YTHDF3: variants seen among roughly 807,000 people sequenced by gnomAD.
YTHDF3 encodes the protein YTH N6-methyladenosine RNA binding protein F3, also known as YTH domain-containing family protein 3.
A neutral mutation model predicts 52.5 loss-of-function variants in YTHDF3; 9 were observed. The ratio of observed to expected loss-of-function variants is 0.17; its 90% CI spans 0.10 to 0.30. The LOEUF is 0.30. Among genes scored for constraint, YTHDF3 ranks in the 10% least tolerant of loss-of-function variants. The pLI is 1.00. For synonymous variants in YTHDF3, 274 were observed against 243.3 expected, an observed-to-expected ratio of 1.13 and a Z score of -1.18; for missense variants, 534 against 715.0, an observed-to-expected ratio of 0.75 and a Z score of 2.89.
Position 63,187,703 on chromosome 8 carries a change from A to C in YTHDF3, c.1692A>C (p.Ala564=), listed in dbSNP as rs1363991298. 2.5e-6 allele frequency: 4 copies of C among 1,611,316 alleles called. No homozygotes were observed. The highest frequency in any genetic ancestry group is 3.4e-5 in the Admixed American group (2 of 59,592). The part of the protein sequence containing the change: ...KHTTSIFDDF[A]HYEKRQEEEE... ...CCACCTCAATCTTTGATGACTTTGC[A>C]CATTATGAAAAGCGTCAAGAAGAGG... Residue 564 remains alanine, a synonymous_variant, in exon 4 of 5, where the codon GCA becomes GCC. Transcript: ENST00000539294.
chr8:63,209,597 TTA>T, intron 4 of YTHDF3, 84 bp from the exon 5 acceptor site: 1 of 1,280,636 alleles, frequency 7.8e-7, no homozygotes, highest in South Asian at 1.4e-5. Context: ...ATGATTTACA[TTA>T]TATGTGCATA....
intron 2 of YTHDF3, among the ~76,000 whole-genome samples, chr8:63,171,398 C>T (rs1807316943): frequency 6.6e-6 from 1 of 152,166 alleles, no homozygotes. Flanking sequence ...TCACTTTCCT[C>T]ACTTAATCTA....
intron 3 of YTHDF3, among the ~76,000 whole-genome samples, chr8:63,180,541 G>A (rs1808054460): frequency 1.3e-5 from 2 of 152,166 alleles, no homozygotes; most frequent in Non-Finnish European, 2.9e-5. Context: ...GGGCGGCCGG[G>A]CAGAGACGCT....
chr8:63,193,616 GAA>G (rs1809055764), intron 4 of YTHDF3, among the ~76,000 whole-genome samples: 1 of 151,788 alleles, frequency 6.6e-6, no homozygotes, highest in Admixed American at 6.6e-5. Flanking sequence ...ATTTTTAAAA[GAA>G]TATATATAGA....
rs1263708575 is a variant in YTHDF3 at position 63,169,086 on chromosome 8, CGGGCGCGGTGCCGCGGCGGGT to C, written c.24+189_24+209del. On this transcript the variant is annotated intron_variant, in intron 1 of 4. Transcript: ENST00000539294. Reference sequence around the variant, plus strand: ...CCTGGCCCCGTAGCTTGCGGGCGGGCGGGCGCGGTGCCGCGGCGGGTGGGGGCAAGGACCGGTCTTAGGGGC... The same window carrying C: ...CCTGGCCCCGTAGCTTGCGGGCGGGCGGGGGCAAGGACCGGTCTTAGGGGC... The C allele has an allele frequency of 8.3e-5, 115 of 1,377,668 alleles. No homozygotes were observed. In the African/African-American group the frequency reaches 1.3e-3, roughly 16 times the overall value. 85.3% of individuals were successfully genotyped at this position (1,377,668 alleles called of 1,614,324 possible). A position where few individuals can be genotyped will look rare whatever the true frequency, so the allele number is the denominator to read the frequency against.
chr8:63,197,853 T>A (rs913834606), intron 4 of YTHDF3, among the ~76,000 whole-genome samples: 1 of 152,208 alleles, frequency 6.6e-6, no homozygotes, highest in Non-Finnish European at 1.5e-5. Context: ...AGAATCTACT[T>A]TTGACTATTG....
intron 3 of YTHDF3, among the ~76,000 whole-genome samples, chr8:63,178,376 A>T (rs1807842300): frequency 7.0e-6 from 1 of 143,324 alleles, no homozygotes; most frequent in South Asian, 2.1e-4. Flanking sequence ...CTTTACTTGT[A>T]AAAAAAAAAA....
chr8:63,194,096 T>C (rs1809086268), intron 4 of YTHDF3, among the ~76,000 whole-genome samples: 1 of 152,086 alleles, frequency 6.6e-6, no homozygotes, highest in Admixed American at 6.6e-5. Context: ...GCCAAATATA[T>C]TGGTGCCTGA....
intron 3 of YTHDF3, 24 bp from the exon 4 acceptor site, chr8:63,186,123 T>G (rs540311577): frequency 6.3e-7 from 1 of 1,577,782 alleles, no homozygotes; most frequent in East Asian, 2.3e-5. Context: ...ATTTCGCTAC[T>G]GATTGTGATA....
At chr8:63,172,476 G>A (rs188800766) in intron 2 of YTHDF3, among the ~76,000 whole-genome samples, 6 of 152,054 alleles carry the variant, frequency 3.9e-5, no homozygotes, top group African/African-American at 1.4e-4. Context: ...TTTAATTTTC[G>A]AAAAGTAGTG....
chr8:63,194,206 G>A (rs1585771963), intron 4 of YTHDF3, among the ~76,000 whole-genome samples: 1 of 152,154 alleles, frequency 6.6e-6, no homozygotes, highest in Non-Finnish European at 1.5e-5. Context: ...GGGAGAGGCC[G>A]GGCATGGTGG....
At chr8:63,196,932 C>G (rs1247583846) in intron 4 of YTHDF3, among the ~76,000 whole-genome samples, 1 of 152,094 alleles carries the variant, frequency 6.6e-6, no homozygotes, top group African/African-American at 2.4e-5. Context: ...TATACTAGAA[C>G]AAATATCTCT....
intron 4 of YTHDF3, among the ~76,000 whole-genome samples, chr8:63,188,158 G>C (rs1191910483): frequency 1.3e-5 from 2 of 151,858 alleles, no homozygotes; most frequent in Non-Finnish European, 2.9e-5. Context: ...ACATCTTGCT[G>C]TGTTGCCCAG....
At chr8:63,207,829 G>T (rs1810132066) in intron 4 of YTHDF3, among the ~76,000 whole-genome samples, 1 of 152,092 alleles carries the variant, frequency 6.6e-6, no homozygotes, top group Non-Finnish European at 1.5e-5. Flanking sequence ...TGAGCAGATT[G>T]CCCTTACATC....
At chr8:63,177,037 T>G (rs1373764502) in intron 3 of YTHDF3, among the ~76,000 whole-genome samples, 1 of 152,230 alleles carries the variant, frequency 6.6e-6, no homozygotes, top group Non-Finnish European at 1.5e-5. Context: ...TGTGTAAATT[T>G]GAAGAGTAAA....
intron 4 of YTHDF3, among the ~76,000 whole-genome samples, chr8:63,191,191 T>C (rs1808890238): frequency 1.3e-5 from 2 of 152,202 alleles, no homozygotes; most frequent in South Asian, 4.1e-4. Flanking sequence ...TTTTACATTA[T>C]GAATGTAAAT....
At chr8:63,189,446 A>G (rs1808775476) in intron 4 of YTHDF3, among the ~76,000 whole-genome samples, 1 of 152,250 alleles carries the variant, frequency 6.6e-6, no homozygotes, top group Non-Finnish European at 1.5e-5. Context: ...AAGCTCCTCC[A>G]GTAAATAATG....
At position 63,199,948 on chromosome 8, in the gene YTHDF3, A is replaced by G. The variant is rs766601580; in HGVS notation, c.1735-9735A>G. Among the ~76,000 whole-genome samples, 15 of 152,090 alleles carry G rather than the reference A, an allele frequency of 9.9e-5. No individual in the cohort carries two copies. The South Asian group carries it at 2.5e-3, about 25-fold the overall frequency. Reference sequence around the variant, plus strand: ...TGAATTGCTGTCTCAGTTATTTACGACTGTCTAATAGATTTCTCCAAAACT... The same window carrying G: ...TGAATTGCTGTCTCAGTTATTTACGGCTGTCTAATAGATTTCTCCAAAACT... On this transcript the variant is annotated intron_variant, in intron 4 of 4. Transcript: ENST00000539294.
At position 63,186,671 on chromosome 8, in the gene YTHDF3, T is replaced by C. The variant is rs778021025; in HGVS notation, c.660T>C (p.Ile220=). 2 of 1,613,976 alleles carry C rather than the reference T, an allele frequency of 1.2e-6. No individual in the cohort carries two copies. The highest frequency in any genetic ancestry group is 4.5e-5 in the East Asian group (2 of 44,870). ...TALSSSGMTS[I]ATNSVPPVSS... ...TGAGCAGCAGTGGTATGACTAGCAT[T>C]GCAACCAATAGTGTGCCCCCAGTTA... The change falls in exon 4 of 5, where the codon ATT becomes ATC. Residue 220 remains isoleucine (I), a synonymous_variant. Transcript: ENST00000539294.
Sources: allele counts gnomAD v4.1 joint callset (sites outside exome capture counted in the v4.1 genomes callset), GRCh38; gene constraint gnomAD v4.1.1; transcripts MANE v1.5; gene names NCBI Gene and HGNC (gene_info 2026-07-23, HGNC 2026-07-21).